RBMS1: variants seen among roughly 807,000 people sequenced by gnomAD.
RBMS1 encodes the protein RNA binding motif single stranded interacting protein 1, also known as RNA-binding motif, single-stranded-interacting protein 1.
RBMS1 carries 17 observed loss-of-function variants against 62.3 expected under a neutral mutation model. That is an observed-to-expected ratio of 0.27 (90% confidence interval 0.19 to 0.41). The LOEUF (loss-of-function observed/expected upper bound fraction) is 0.41. Ranked by LOEUF, RBMS1 falls within the 10% of genes least tolerant of loss-of-function variation. RBMS1 has a pLI of 1.00. For synonymous variants in RBMS1, 172 were observed against 170.0 expected (o/e 1.01, Z -0.09); for missense variants, 334 against 504.5 (o/e 0.66, Z 3.24).
chr2:160,295,079 G>A (rs1688870005), intron 6 of RBMS1, among the ~76,000 whole-genome samples: 1 of 152,002 alleles, frequency 6.6e-6, no homozygotes, highest in Non-Finnish European at 1.5e-5. Flanking sequence ...CACATTCTTT[G>A]TGGGTTTTCA....
chr2:160,465,487 G>T (rs1265450018), intron 1 of RBMS1, among the ~76,000 whole-genome samples: 2 of 152,068 alleles, frequency 1.3e-5, no homozygotes, highest in Admixed American at 1.3e-4. Flanking sequence ...CAGCCCTCAG[G>T]CTTTCAGGCT....
At chr2:160,357,542 ATAAT>A (rs139742649) in intron 2 of RBMS1, among the ~76,000 whole-genome samples, 1,705 of 152,270 alleles carry the variant, frequency 0.011, 40 homozygotes, top group African/African-American at 0.037. Context: ...GTACTTGGTA[ATAAT>A]TAATATTTGA....
At chr2:160,429,623 T>C (rs1443374997) in intron 1 of RBMS1, among the ~76,000 whole-genome samples, 1 of 152,236 alleles carries the variant, frequency 6.6e-6, no homozygotes, top group African/African-American at 2.4e-5. Context: ...ATATATGCCA[T>C]GGTTATTATG....
chr2:160,400,128 C>G (rs1398337891), intron 1 of RBMS1, among the ~76,000 whole-genome samples: 2 of 152,136 alleles, frequency 1.3e-5, no homozygotes. Context: ...TGAAAACTCC[C>G]CTGGGTTATA....
chr2:160,363,369 C>T (rs1048315556), intron 2 of RBMS1, among the ~76,000 whole-genome samples: 19 of 152,138 alleles, frequency 1.2e-4, no homozygotes, highest in Non-Finnish European at 2.6e-4. Flanking sequence ...GCTGGCAATA[C>T]ATAAAAATTT....
intron 6 of RBMS1, among the ~76,000 whole-genome samples, chr2:160,293,674 TGGTG>T (rs1688792203): frequency 6.6e-6 from 1 of 151,914 alleles, no homozygotes; most frequent in East Asian, 1.9e-4. Flanking sequence ...CTTTGAGAGG[TGGTG>T]GTGGTGGCGA....
intron 2 of RBMS1, among the ~76,000 whole-genome samples, chr2:160,347,823 C>T (rs566610447): frequency 1.8e-4 from 28 of 152,216 alleles, no homozygotes; most frequent in Middle Eastern, 3.4e-3. Context: ...CCCAATAACA[C>T]ACCAGTAGAA....
chr2:160,464,029 A>G (rs1230947788), intron 1 of RBMS1, among the ~76,000 whole-genome samples: 1 of 152,240 alleles, frequency 6.6e-6, no homozygotes, highest in African/African-American at 2.4e-5. Context: ...TAAATGCCAA[A>G]GCCTTTTAAA....
In RBMS1 at chr2:160,464,628, T is replaced by C. The variant is rs115128549; in HGVS notation, c.75+28661A>G. ...GGTGGTTATATTGGTATCTTTTATA[T>C]TGTCCTCAGCAGCTTTTTGAATATT... On this transcript the variant is annotated intron_variant, in intron 1 of 13. Transcript: ENST00000348849. 9.3e-3 allele frequency among the ~76,000 whole-genome samples: 1,413 copies of C among 152,356 alleles called. 9 individuals are homozygous for C. The highest frequency in any genetic ancestry group is 0.051 in the Middle Eastern group (15 of 294).
At chr2:160,318,290 A>G (rs1260410074) in intron 2 of RBMS1, 63 bp from the exon 3 acceptor site, 18 of 1,465,534 alleles carry the variant, frequency 1.2e-5, no homozygotes, top group Non-Finnish European at 1.6e-5. Context: ...GTTATAAGGA[A>G]CCCTTATTAA....
intron 1 of RBMS1, among the ~76,000 whole-genome samples, chr2:160,427,003 G>A (rs1279115070): frequency 6.6e-6 from 1 of 152,130 alleles, no homozygotes; most frequent in Non-Finnish European, 1.5e-5. Flanking sequence ...TGAGATGGTT[G>A]GAATTTTTCT....
intron 1 of RBMS1, among the ~76,000 whole-genome samples, chr2:160,412,974 A>G (rs1574027827): frequency 1.3e-5 from 2 of 152,366 alleles, no homozygotes; most frequent in Admixed American, 1.3e-4. Flanking sequence ...GAATGAAATT[A>G]CTACAAAGAA....
chr2:160,311,252 A>ATATATATC (rs1689894704), intron 4 of RBMS1, among the ~76,000 whole-genome samples: 1 of 113,628 alleles, frequency 8.8e-6, no homozygotes, highest in Admixed American at 8.8e-5. Context: ...ATATATATAT[A>ATATATATC]TATATAGTCT....
chr2:160,323,185 T>A (rs1011915906), intron 2 of RBMS1, among the ~76,000 whole-genome samples: 1 of 141,788 alleles, frequency 7.1e-6, no homozygotes, highest in Non-Finnish European at 1.6e-5. Context: ...TTTTTTTTTT[T>A]AAATCATCAG....
chr2:160,362,136 C>T (rs1334940568), intron 2 of RBMS1, among the ~76,000 whole-genome samples: 1 of 152,216 alleles, frequency 6.6e-6, no homozygotes, highest in Non-Finnish European at 1.5e-5. Flanking sequence ...TAGGGTCTTG[C>T]TCTGGATTAG....
At chr2:160,398,231 A>G (rs1054196838) in intron 1 of RBMS1, among the ~76,000 whole-genome samples, 1 of 152,194 alleles carries the variant, frequency 6.6e-6, no homozygotes, top group Non-Finnish European at 1.5e-5. Flanking sequence ...ACTCACCACT[A>G]TATCTGCCCA....
intron 1 of RBMS1, among the ~76,000 whole-genome samples, chr2:160,451,131 T>G (rs983039316): frequency 6.8e-6 from 1 of 147,642 alleles, no homozygotes. Flanking sequence ...TATTCCAGCC[T>G]GGGTGACAGA....
chr2:160,323,292 G>C (rs911857247), intron 2 of RBMS1, among the ~76,000 whole-genome samples: 2 of 151,700 alleles, frequency 1.3e-5, no homozygotes, highest in African/African-American at 2.4e-5. Flanking sequence ...CCTGGGCAAT[G>C]TGGCAAAACA....
chr2:160,307,720 G>A (rs553195323), intron 4 of RBMS1, among the ~76,000 whole-genome samples: 2 of 152,164 alleles, frequency 1.3e-5, no homozygotes, highest in African/African-American at 4.8e-5. Flanking sequence ...GCCCAAGCTT[G>A]GAAAAAAGTT....
Sources: allele counts gnomAD v4.1 joint callset (sites outside exome capture counted in the v4.1 genomes callset), GRCh38; gene constraint gnomAD v4.1.1; transcripts MANE v1.5; gene names NCBI Gene and HGNC (gene_info 2026-07-23, HGNC 2026-07-21).